ROBO2: variants seen among roughly 807,000 people sequenced by gnomAD.
ROBO2 encodes roundabout homolog 2.
Under a neutral mutation model 160.8 loss-of-function variants are expected in ROBO2, and 53 were observed. The observed-to-expected ratio is 0.33, with a 90% CI of 0.26 to 0.41. The LOEUF (loss-of-function observed/expected upper bound fraction) is 0.41, where lower values mean the gene tolerates loss of function less well. Among genes scored for constraint, ROBO2 ranks in the 10% least tolerant of loss-of-function variants. The pLI is 1.00. For missense variants in ROBO2, 1,577 were observed against 1,722.4 expected, an observed-to-expected ratio of 0.92 and a Z score of 1.49; for synonymous variants, 664 against 611.7, an observed-to-expected ratio of 1.09 and a Z score of -1.26.
In ROBO2 at chr3:76,561,561, A is replaced by G. The variant is rs976265684; in HGVS notation, c.110-536453A>G. 7.2e-5 allele frequency among the ~76,000 whole-genome samples: 11 copies of G among 152,156 alleles called. 1 individual carries two copies. The highest frequency in any genetic ancestry group is 5.9e-4 in the Admixed American group (9 of 15,262). On this transcript the variant is annotated intron_variant, in intron 2 of 26. Coordinates refer to the ROBO2 transcript ENST00000487694. The stretch of plus-strand genomic sequence containing the variant: ...ATGCAAAACAAGTAATATTTAAAGA[A>G]ATATATCTGATTAGTTGGCATCAAA...
intron 2 of ROBO2, among the ~76,000 whole-genome samples, chr3:77,404,235 C>T (rs919403522): frequency 1.3e-4 from 20 of 152,164 alleles, no homozygotes; most frequent in African/African-American, 4.1e-4. Flanking sequence ...ATGTACACAG[C>T]CCCTCTATAT....
intron 2 of ROBO2, among the ~76,000 whole-genome samples, chr3:76,053,808 A>G (rs889426892): frequency 2.0e-5 from 3 of 152,106 alleles, no homozygotes; most frequent in African/African-American, 7.2e-5. Flanking sequence ...CTGATGATAT[A>G]TCTTCTTAAA....
At chr3:77,200,265 TTTTATATATATATATATATATATA>T (rs200800155) in intron 2 of ROBO2, among the ~76,000 whole-genome samples, 62 of 59,060 alleles carry the variant, frequency 1.0e-3, no homozygotes, top group East Asian at 4.8e-3. Flanking sequence ...AACTAACATA[TTTTATATATATATATATATATATA>T]TATATATATA....
intron 2 of ROBO2, among the ~76,000 whole-genome samples, chr3:77,436,102 T>C (rs952504114): frequency 6.6e-6 from 1 of 151,400 alleles, no homozygotes; most frequent in Non-Finnish European, 1.5e-5. Flanking sequence ...GTGTATGATA[T>C]ATAATACATC....
At chr3:77,143,446 TCAGCCTCCCAAAGTACTGGGATTA>T (rs1560101119) in intron 2 of ROBO2, among the ~76,000 whole-genome samples, 1 of 152,092 alleles carries the variant, frequency 6.6e-6, no homozygotes, top group Non-Finnish European at 1.5e-5. Context: ...TCCATCCACC[TCAGCCTCCCAAAGTACTGGGATTA>T]CAGGTGTCAG....
At chr3:76,364,728 A>G (rs533232004) in intron 2 of ROBO2, among the ~76,000 whole-genome samples, 68 of 152,234 alleles carry the variant, frequency 4.5e-4, no homozygotes, top group Non-Finnish European at 8.5e-4. Flanking sequence ...AATAGTGACT[A>G]TTCTGAGACC....
chr3:77,470,565 C>G (rs918104158), intron 2 of ROBO2, among the ~76,000 whole-genome samples: 8 of 152,098 alleles, frequency 5.3e-5, no homozygotes, highest in Admixed American at 5.2e-4. Context: ...ATAGTATGTA[C>G]TCACTAAATT....
chr3:76,567,636 T>TATATATATATAC (rs1168756306), intron 2 of ROBO2, among the ~76,000 whole-genome samples: 7 of 87,474 alleles, frequency 8.0e-5, no homozygotes, highest in Non-Finnish European at 1.4e-4. Flanking sequence ...TATATATATA[T>TATATATATATAC]ATATATATAT....
chr3:77,254,439 T>TC (rs1482836266), intron 2 of ROBO2, among the ~76,000 whole-genome samples: 2 of 140,924 alleles, frequency 1.4e-5, no homozygotes, highest in East Asian at 8.1e-4. Context: ...TTAAAATACT[T>TC]CTTTTTTTTT....
chr3:77,086,579 A>C (rs1274281608), intron 1 of ROBO2, among the ~76,000 whole-genome samples: 1 of 152,144 alleles, frequency 6.6e-6, no homozygotes, highest in Non-Finnish European at 1.5e-5. Flanking sequence ...CATTCCACAT[A>C]AACCAATCCA....
intron 2 of ROBO2, among the ~76,000 whole-genome samples, chr3:76,866,447 A>G (rs2071381571): frequency 6.6e-6 from 1 of 152,092 alleles, no homozygotes; most frequent in Admixed American, 6.5e-5. Context: ...CATCATCATC[A>G]TCATCATTTA....
chr3:76,573,754 A>C (rs2085107358), intron 2 of ROBO2, among the ~76,000 whole-genome samples: 1 of 152,114 alleles, frequency 6.6e-6, no homozygotes, highest in Admixed American at 6.6e-5. Context: ...GGAGCAGCTA[A>C]GTACCTGCAG....
chr3:76,396,568 A>G (rs1421639928), intron 2 of ROBO2, among the ~76,000 whole-genome samples: 1 of 152,162 alleles, frequency 6.6e-6, no homozygotes, highest in Non-Finnish European at 1.5e-5. Flanking sequence ...ATATATCTAG[A>G]AAACCCCATT....
chr3:77,349,810 ACC>A (rs891337286), intron 2 of ROBO2, among the ~76,000 whole-genome samples: 6 of 151,994 alleles, frequency 3.9e-5, no homozygotes, highest in African/African-American at 1.4e-4. Flanking sequence ...TTTCTTTGTC[ACC>A]CCACTTTATA....
At chr3:76,240,677 G>A (rs561770618) in intron 2 of ROBO2, among the ~76,000 whole-genome samples, 8 of 152,208 alleles carry the variant, frequency 5.3e-5, no homozygotes, top group African/African-American at 1.9e-4. Flanking sequence ...TGTGGGTGAG[G>A]TGACGTCCTG....
chr3:77,485,446 T>G (rs2153593449), intron 4 of ROBO2, among the ~76,000 whole-genome samples: 1 of 152,156 alleles, frequency 6.6e-6, no homozygotes, highest in Admixed American at 6.6e-5. Context: ...TTTCTTTTTC[T>G]TTTCTTCCCA....
At chr3:77,410,555 T>TTCC (rs1308434163) in intron 2 of ROBO2, among the ~76,000 whole-genome samples, 34 of 42,214 alleles carry the variant, frequency 8.1e-4, no homozygotes, top group Non-Finnish European at 1.3e-3. Flanking sequence ...CCTCCTCTTC[T>TTCC]TCCTCCTCTT....
intron 2 of ROBO2, among the ~76,000 whole-genome samples, chr3:76,336,629 C>T (rs2073907096): frequency 6.6e-6 from 1 of 152,178 alleles, no homozygotes; most frequent in Admixed American, 6.5e-5. Context: ...TCATTAATTA[C>T]TTGATTTGTG....
At chr3:76,273,146 T>TATATATAC (rs1445165261) in intron 2 of ROBO2, among the ~76,000 whole-genome samples, 4 of 127,686 alleles carry the variant, frequency 3.1e-5, no homozygotes, top group Non-Finnish European at 6.2e-5. Flanking sequence ...TATATATATA[T>TATATATAC]ACACATTTCT....
Sources: gnomAD v4.1 joint callset for allele counts (sites outside exome capture counted in the v4.1 genomes callset) on GRCh38, gnomAD v4.1.1 for gene constraint, MANE v1.5 for transcripts, NCBI Gene and HGNC (gene_info 2026-07-23, HGNC 2026-07-21) for gene names.